ADAM18: variants seen among roughly 807,000 people sequenced by gnomAD.
The protein encoded by ADAM18 is ADAM metallopeptidase domain 18.
Under a neutral mutation model 94.4 loss-of-function variants are expected in ADAM18, and 117 were observed. The ratio of observed to expected loss-of-function variants is 1.24; its 90% CI spans 1.07 to 1.45. The LOEUF is 1.45. Among genes scored for constraint, ADAM18 ranks in the 40% most tolerant of loss-of-function variants. ADAM18 has a pLI of 0.00. For synonymous variants in ADAM18, 327 were observed against 291.6 expected (o/e 1.12, Z -1.24); for missense variants, 936 against 880.0 (o/e 1.06, Z -0.81).
intron 13 of ADAM18, among the ~76,000 whole-genome samples, chr8:39,666,738 T>A (rs902650007): frequency 2.6e-5 from 4 of 152,154 alleles, no homozygotes; most frequent in Non-Finnish European, 4.4e-5. Flanking sequence ...ATCATGAGAA[T>A]AGCACAGGAA....
chr8:39,663,308 G>T (rs1332623480), intron 12 of ADAM18, among the ~76,000 whole-genome samples: 7 of 151,430 alleles, frequency 4.6e-5, no homozygotes, highest in Non-Finnish European at 1.5e-5. Flanking sequence ...GTAAAATAGG[G>T]TCTGGCATGG....
intron 2 of ADAM18, among the ~76,000 whole-genome samples, chr8:39,599,729 T>C (rs1256842699): frequency 6.6e-6 from 1 of 152,188 alleles, no homozygotes; most frequent in Non-Finnish European, 1.5e-5. Flanking sequence ...TATCCATTGT[T>C]GTTATGTAGA....
intron 6 of ADAM18, among the ~76,000 whole-genome samples, chr8:39,616,872 T>C (rs1363872376): frequency 6.6e-6 from 1 of 152,194 alleles, no homozygotes; most frequent in African/African-American, 2.4e-5. Context: ...CAAATCAAGA[T>C]GTATTAAAGA....
chr8:39,641,307 G>A (rs962969320), intron 10 of ADAM18, among the ~76,000 whole-genome samples: 1 of 151,956 alleles, frequency 6.6e-6, no homozygotes, highest in African/African-American at 2.4e-5. Context: ...AGTTGTATGT[G>A]TGTGGTCTTA....
chr8:39,670,906 A>G (rs939486056), intron 14 of ADAM18, among the ~76,000 whole-genome samples: 3 of 152,230 alleles, frequency 2.0e-5, no homozygotes, highest in South Asian at 2.1e-4. Context: ...TGGGGGTTTT[A>G]TACAAAAGTC....
chr8:39,606,469 G>A (rs897317042), intron 3 of ADAM18, 107 bp downstream of exon 3: 18 of 599,812 alleles, frequency 3.0e-5, no homozygotes, highest in Non-Finnish European at 5.0e-5. Context: ...GCTGTATAAT[G>A]TAGACTTGTT....
rs1227258518 is a variant in ADAM18 at position 39,610,649 on chromosome 8, A to G, written c.465A>G (p.Val155=). Residue 155 remains valine (V), a synonymous_variant, in exon 6 of 20, where the codon GTA becomes GTG. Transcript: ENST00000265707. ...ATCCAAATGTATCCATTTTAGCAGT[A>G]AATTACAGTCATATTTGGCAGAAAG... ...NNDPNVSILA[V]NYSHIWQKDQ... is the part of the protein sequence containing the mutation. 8 of 1,613,222 alleles carry G rather than the reference A, an allele frequency of 5.0e-6. No homozygotes were observed. The highest frequency in any genetic ancestry group is 3.3e-5 in the Admixed American group (2 of 59,998).
chr8:39,709,318 C>T (rs908749194), intron 18 of ADAM18, among the ~76,000 whole-genome samples: 3 of 152,178 alleles, frequency 2.0e-5, no homozygotes, highest in African/African-American at 7.2e-5. Flanking sequence ...AGCCACTTCT[C>T]TTCAATGTCA....
Position 39,645,345 on chromosome 8 carries a change from A to T in ADAM18, c.917A>T (p.Asp306Val). 6.2e-7 allele frequency: 1 copy of T among 1,607,298 alleles called. No individual in the cohort carries two copies. The highest frequency in any genetic ancestry group is 8.5e-7 in the Non-Finnish European group (1 of 1,177,326). Reference sequence around the variant, plus strand: ...TCATGTCTTTTATTTTAGTATCCAGATGCAATAGGTTTGGAGGGATTTTCG... The same window carrying T: ...TCATGTCTTTTATTTTAGTATCCAGTTGCAATAGGTTTGGAGGGATTTTCG... ...SYDAGIAMYP[D>V]AIGLEGFSVI... is the part of the protein sequence containing the mutation. Residue 306 changes from aspartate (D) to valine (V), a missense_variant, in exon 11 of 20, where the codon GAT becomes GTT. Physicochemically the swap from Asp to Val is radical, Grantham distance 152. Coordinates refer to ENST00000265707, the MANE Select transcript of ADAM18 (RefSeq NM_014237.3).
intron 18 of ADAM18, among the ~76,000 whole-genome samples, chr8:39,707,964 G>C (rs999666629): frequency 3.9e-4 from 59 of 152,276 alleles, no homozygotes; most frequent in African/African-American, 1.3e-3. Context: ...ACAAAGCACT[G>C]TAACGGCGTA....
chr8:39,669,200 T>A (rs1821080349), intron 14 of ADAM18, among the ~76,000 whole-genome samples: 1 of 151,736 alleles, frequency 6.6e-6, no homozygotes, highest in African/African-American at 2.4e-5. Context: ...TATATTCTTT[T>A]ATTTTTTAAT....
intron 10 of ADAM18, among the ~76,000 whole-genome samples, chr8:39,641,125 G>C (rs1401233402): frequency 1.3e-5 from 2 of 152,014 alleles, no homozygotes; most frequent in African/African-American, 4.8e-5. Context: ...TTGTCTTCCA[G>C]GGTTTTTCAG....
At chr8:39,718,334 G>A (rs7460182) in intron 18 of ADAM18, among the ~76,000 whole-genome samples, 134,421 of 151,514 alleles carry the variant, frequency 0.89, 59,722 homozygotes, top group Admixed American at 0.93. Flanking sequence ...TAATGTGTGG[G>A]TAAAGGAAGT....
chr8:39,628,523 T>G (rs1009554725), intron 6 of ADAM18, among the ~76,000 whole-genome samples: 1 of 152,028 alleles, frequency 6.6e-6, no homozygotes, highest in African/African-American at 2.4e-5. Flanking sequence ...AACCAACCTA[T>G]TTAAACAGAG....
At chr8:39,652,699 A>C (rs997178615) in intron 12 of ADAM18, among the ~76,000 whole-genome samples, 13 of 152,212 alleles carry the variant, frequency 8.5e-5, no homozygotes, top group Non-Finnish European at 1.3e-4. Context: ...TATTCACAGG[A>C]AACAATAGCA....
intron 7 of ADAM18, 75 bp downstream of exon 7, chr8:39,629,514 C>A: frequency 1.0e-6 from 1 of 957,152 alleles, no homozygotes. Context: ...TTCTTGCATT[C>A]CTGTCTTCTT....
chr8:39,593,455 AAGTT>A (rs1200557327), intron 2 of ADAM18, among the ~76,000 whole-genome samples: 2 of 152,122 alleles, frequency 1.3e-5, no homozygotes, highest in East Asian at 3.9e-4. Context: ...CTGAGGAAAA[AAGTT>A]AGAGGCATCA....
chr8:39,695,006 T>C (rs1321435332), intron 17 of ADAM18, among the ~76,000 whole-genome samples: 2 of 151,524 alleles, frequency 1.3e-5, no homozygotes, highest in African/African-American at 4.8e-5. Flanking sequence ...CTTTTTACTG[T>C]TTCTTAGTAA....
chr8:39,622,283 T>C (rs1299588799), intron 6 of ADAM18, among the ~76,000 whole-genome samples: 1 of 149,242 alleles, frequency 6.7e-6, no homozygotes, highest in Non-Finnish European at 1.5e-5. Flanking sequence ...ATATTATGTA[T>C]ATTATATACA....
Sources: gnomAD v4.1 joint callset for allele counts (sites outside exome capture counted in the v4.1 genomes callset) on GRCh38, gnomAD v4.1.1 for gene constraint, MANE v1.5 for transcripts, NCBI Gene and HGNC (gene_info 2026-07-23, HGNC 2026-07-21) for gene names.